Variants in DDHD1 observed in about 807,000 individuals in gnomAD.
DDHD1 encodes phospholipase DDHD1.
A neutral mutation model predicts 96.4 loss-of-function variants in DDHD1; 49 were observed. The ratio of observed to expected loss-of-function variants is 0.51; its 90% CI spans 0.40 to 0.64. The LOEUF is 0.64. DDHD1 is among the 30% of genes least tolerant of loss of function. The pLI is 0.00. For missense variants in DDHD1, 1,106 were observed against 1,161.2 expected (o/e 0.95, Z 0.69); for synonymous variants, 442 against 446.5 (o/e 0.99, Z 0.13).
rs191939645 is a variant in DDHD1, at chr14:53,116,801, G to A, written c.839-12945C>T. Among the ~76,000 whole-genome samples the A allele has an allele frequency of 2.4e-4, 36 of 152,122 alleles. No individual in the cohort carries two copies. In the South Asian group the frequency reaches 3.1e-3, roughly 13 times the overall value. ...GACAGAAAACCAACATCCTAACATC[G>A]CAATGAAAAGAACTAGAGAAGCAAG... is the stretch of plus-strand genomic sequence containing the variant. On this transcript the variant is annotated intron_variant, in intron 1 of 12. Coordinates refer to ENST00000673822, the MANE Select transcript of DDHD1 (RefSeq NM_001160148.2).
chr14:53,054,545 G>A lies in DDHD1; in HGVS notation c.2330C>T (p.Ser777Leu). Residue 777 changes from serine (S) to leucine (L), a missense_variant, in exon 11 of 13, where the codon TCA (serine) becomes TTA (leucine). By Grantham distance (145) the Ser-to-Leu change is moderately radical. Around this residue, in one of 2 missense-constraint regions of DDHD1, gnomAD observed 650 missense variants for 758.8 expected, o/e 0.86. Coordinates refer to ENST00000673822, the MANE Select transcript of DDHD1 (RefSeq NM_001160148.2). ...RSSTTQSSET[S>L]KDSMEDEKKP... ...CTTCTCATCTTCCATTGAGTCTTTT[G>A]ATGTTTCAGATGACTGTGTTGTAGA... The A allele has an allele frequency of 6.2e-7, 1 of 1,614,098 alleles. No homozygotes were observed. Among genetic ancestry groups the A allele is most frequent in the Non-Finnish European group, 8.5e-7 (1 of 1,179,984 alleles).
intron 9 of DDHD1, 30 bp from the exon 10 acceptor site, chr14:53,055,942 C>T: frequency 1.3e-6 from 2 of 1,578,116 alleles, no homozygotes; most frequent in Admixed American, 3.5e-5. Context: ...TTCAAAGAAA[C>T]ACAGTGTTAA....
chr14:53,122,495 C>T (rs745399886), intron 1 of DDHD1, among the ~76,000 whole-genome samples: 1 of 152,138 alleles, frequency 6.6e-6, no homozygotes, highest in Non-Finnish European at 1.5e-5. Flanking sequence ...ATCTCAGTTC[C>T]ACAGATAGTG....
At chr14:53,065,622 T>C (rs1883952888) in intron 6 of DDHD1, among the ~76,000 whole-genome samples, 1 of 152,166 alleles carries the variant, frequency 6.6e-6, no homozygotes, top group African/African-American at 2.4e-5. Context: ...CCATGACTTT[T>C]CAGAAATTAT....
At chr14:53,061,231 C>A (rs1883524106) in intron 7 of DDHD1, 30 bp from the exon 8 acceptor site, 1 of 1,556,134 alleles carries the variant, frequency 6.4e-7, no homozygotes, top group Non-Finnish European at 8.7e-7. Flanking sequence ...TATATACACA[C>A]ACGTATTTAT....
At position 53,152,762 on chromosome 14, in the gene DDHD1, T is replaced by TGCCGCTGCCGCC. The variant is rs1891537408; in HGVS notation, c.336_337insGGCGGCAGCGGC (p.Gly112_Ser113insGlyGlySerGly). 3 of 1,576,512 alleles carry TGCCGCTGCCGCC rather than the reference T, an allele frequency of 1.9e-6. No individual in the cohort carries two copies. The highest frequency in any genetic ancestry group is 1.4e-5 in the African/African-American group (1 of 73,880). Reference sequence around the variant, plus strand: ...TGCGGCGGGTGCAGCGACAAGGAGCTGCCGCCGCCGCCGCTCTCACCCTCG... The same window carrying TGCCGCTGCCGCC: ...TGCGGCGGGTGCAGCGACAAGGAGCTGCCGCTGCCGCCGCCGCCGCCGCCGCTCTCACCCTCG... On this transcript the variant is annotated inframe_insertion, in exon 1 of 13. Coordinates refer to ENST00000673822, the MANE Select transcript of DDHD1 (RefSeq NM_001160148.2).
intron 7 of DDHD1, 133 bp downstream of exon 7, chr14:53,062,810 C>T (rs1247714545): frequency 1.2e-6 from 1 of 861,318 alleles, no homozygotes. Context: ...CTTGATTAGG[C>T]ATGCTATATA....
chr14:53,134,800 C>T lies in DDHD1; in HGVS notation c.838+17461G>A, dbSNP rs148492542. ...ACTCCCAGTTCTTAGTCCTTTAATACCTGTTTTCCTCTTCCTTTTATTCAG... is the reference window on the plus strand; with the variant it reads ...ACTCCCAGTTCTTAGTCCTTTAATATCTGTTTTCCTCTTCCTTTTATTCAG... On this transcript the variant is annotated intron_variant, in intron 1 of 12. Coordinates refer to ENST00000673822, the MANE Select transcript of DDHD1 (RefSeq NM_001160148.2). Among the ~76,000 whole-genome samples, 252 of 152,260 alleles carry T rather than the reference C, an allele frequency of 1.7e-3. 5 individuals carry two copies. In the East Asian group the frequency reaches 0.046, roughly 28 times the overall value.
intron 1 of DDHD1, chr14:53,150,173 C>T (rs953410471): frequency 6.6e-6 from 1 of 152,116 alleles, no homozygotes; most frequent in Non-Finnish European, 1.5e-5. Context: ...AAATGCCACG[C>T]AGTTTCAGAC....
intron 1 of DDHD1, among the ~76,000 whole-genome samples, chr14:53,141,943 C>A (rs1367934756): frequency 6.6e-6 from 1 of 151,758 alleles, no homozygotes; most frequent in Non-Finnish European, 1.5e-5. Flanking sequence ...TTTTTAATTC[C>A]CAGAAGATAG....
At chr14:53,086,598 T>C (rs1022341262) in intron 4 of DDHD1, among the ~76,000 whole-genome samples, 1 of 152,000 alleles carries the variant, frequency 6.6e-6, no homozygotes, top group Non-Finnish European at 1.5e-5. Flanking sequence ...GACAAGCAAG[T>C]GCTGAGAGAT....
intron 1 of DDHD1, among the ~76,000 whole-genome samples, chr14:53,151,888 A>G (rs1891406025): frequency 6.6e-6 from 1 of 152,218 alleles, no homozygotes; most frequent in African/African-American, 2.4e-5. Context: ...TATTTAAATC[A>G]TAGGCTGTTT....
Position 53,043,774 on chromosome 14 carries a change from G to A in DDHD1, c.*2994C>T, listed in dbSNP as rs1881825022. The A allele has an allele frequency of 1.3e-5, 2 of 152,028 alleles. No individual in the cohort carries two copies. The highest frequency in any genetic ancestry group is 2.9e-5 in the Non-Finnish European group (2 of 68,002). 9.4% of individuals were successfully genotyped at this position (152,028 alleles called of 1,614,324 possible). A position where few individuals can be genotyped will look rare whatever the true frequency, so the allele number is the denominator to read the frequency against. The stretch of plus-strand genomic sequence containing the variant: ...TTATGTCCTAAAACACAGAAACACT[G>A]GATTATAAACAAGATTACTGTTGAA... On this transcript the variant is annotated 3_prime_UTR_variant, in exon 13 of 13. Transcript: ENST00000673822.
At position 53,097,368 on chromosome 14, in the gene DDHD1, A is replaced by C. The variant is rs146042275; in HGVS notation, c.1013-3924T>G. Among the ~76,000 whole-genome samples the C allele has an allele frequency of 2.9e-3, 440 of 152,146 alleles. 1 individual carries two copies. The highest frequency in any genetic ancestry group is 0.01 in the African/African-American group (421 of 41,580). On this transcript the variant is annotated intron_variant, in intron 2 of 12. Coordinates refer to ENST00000673822, the MANE Select transcript of DDHD1 (RefSeq NM_001160148.2). Reference sequence around the variant, plus strand: ...TCTATATGTAATTAGATGGCTACAAAACTATAAACTGGAACTAAAAGCTGT... The same window carrying C: ...TCTATATGTAATTAGATGGCTACAACACTATAAACTGGAACTAAAAGCTGT...
intron 12 of DDHD1, among the ~76,000 whole-genome samples, chr14:53,051,248 A>C (rs757351452): frequency 1.3e-4 from 20 of 151,944 alleles, no homozygotes; most frequent in Non-Finnish European, 2.5e-4. Flanking sequence ...AGTTAGTCAT[A>C]AAAATAATTT....
chr14:53,100,319 T>C (rs1159601669), intron 2 of DDHD1, among the ~76,000 whole-genome samples: 1 of 151,488 alleles, frequency 6.6e-6, no homozygotes, highest in African/African-American at 2.4e-5. Flanking sequence ...CTACAAAAAA[T>C]TTAAAAAAAA....
intron 4 of DDHD1, among the ~76,000 whole-genome samples, chr14:53,082,906 A>C (rs904330797): frequency 6.6e-6 from 1 of 152,096 alleles, no homozygotes; most frequent in African/African-American, 2.4e-5. Context: ...AAACAAACAA[A>C]CAAAAAAACA....
At chr14:53,102,334 T>C (rs1263302347) in intron 2 of DDHD1, among the ~76,000 whole-genome samples, 1 of 152,056 alleles carries the variant, frequency 6.6e-6, no homozygotes, top group Non-Finnish European at 1.5e-5. Flanking sequence ...TGTAGAAACA[T>C]ACCTAGAGCT....
chr14:53,152,805 G>A lies in DDHD1; in HGVS notation c.294C>T (p.Ser98=), dbSNP rs756701592. ...NYDFSSAESG[S]SLRYYSEGES... is the part of the protein sequence containing the mutation. ...CACCCTCGCTGTAGTAGCGCAGCGAGGAGCCCGACTCGGCGGAGCTGAAGT... is the reference window on the plus strand; with the variant it reads ...CACCCTCGCTGTAGTAGCGCAGCGAAGAGCCCGACTCGGCGGAGCTGAAGT... The change falls in exon 1 of 13, where the codon TCC becomes TCT. Residue 98 remains serine (S), a synonymous_variant. Transcript: ENST00000673822. The A allele has an allele frequency of 4.3e-6, 7 of 1,609,768 alleles. No individual in the cohort carries two copies. The South Asian group carries it at 6.6e-5, about 15-fold the overall frequency.
Sources: allele counts gnomAD v4.1 joint callset (sites outside exome capture counted in the v4.1 genomes callset), GRCh38; gene constraint gnomAD v4.1.1; regional missense constraint gnomAD v4.1.1; transcripts MANE v1.5; gene names NCBI Gene and HGNC (gene_info 2026-07-23, HGNC 2026-07-21).